The following RPS27L variants were observed in gnomAD, a reference collection of about 807,000 sequenced individuals.
RPS27L encodes ribosomal protein S27 like.
RPS27L carries 10 observed loss-of-function variants against 12.8 expected under a neutral mutation model. The observed-to-expected ratio is 0.78, with a 90% CI of 0.48 to 1.33. RPS27L has a LOEUF of 1.33. Ranked by LOEUF, RPS27L falls within the 40% of genes most tolerant of loss-of-function variation. The pLI is 0.00. For missense variants in RPS27L, 81 were observed against 97.4 expected, an observed-to-expected ratio of 0.83 and a Z score of 0.71; for synonymous variants, 26 against 32.3, an observed-to-expected ratio of 0.81 and a Z score of 0.66.
chr15:63,157,113 C>G, intron 1 of RPS27L: 1 of 517,786 alleles, frequency 1.9e-6, no homozygotes, highest in East Asian at 3.6e-5. Context: ...AAGATCACAA[C>G]CTCAGGGGCA....
In RPS27L at chr15:63,152,955, A is replaced by C. The variant is rs1476295359; in HGVS notation, c.*1077T>G. 1 of 152,222 alleles carries C rather than the reference A, an allele frequency of 6.6e-6. No individual in the cohort carries two copies. Among genetic ancestry groups the C allele is most frequent in the Non-Finnish European group, 1.5e-5 (1 of 68,058 alleles). 9.4% of individuals were successfully genotyped at this position (152,222 alleles called of 1,614,324 possible). Reference sequence around the variant, plus strand: ...TTTAAATACCTGCCACAAGGTAACAAATCAAATAGAAGCAGAGTAGAAACT... The same window carrying C: ...TTTAAATACCTGCCACAAGGTAACACATCAAATAGAAGCAGAGTAGAAACT... On this transcript the variant is annotated 3_prime_UTR_variant, in exon 4 of 4. Coordinates refer to ENST00000330964, the MANE Select transcript of RPS27L (RefSeq NM_015920.4).
intron 2 of RPS27L, 58 bp downstream of exon 2, chr15:63,156,355 C>G (rs8025816): frequency 0.077 from 67,081 of 869,724 alleles, 3,061 homozygotes; most frequent in Middle Eastern, 0.12. Flanking sequence ...ATACACACCA[C>G]ACTAGCAATC....
chr15:63,155,383 G>C (rs950418527), intron 3 of RPS27L: 3 of 399,140 alleles, frequency 7.5e-6, no homozygotes, highest in Admixed American at 8.8e-5. Flanking sequence ...TTTATTCCAA[G>C]TTAAGCAAAC....
intron 3 of RPS27L, chr15:63,155,383 G>A: frequency 2.5e-6 from 1 of 399,258 alleles, no homozygotes; most frequent in Non-Finnish European, 4.4e-6. Context: ...TTTATTCCAA[G>A]TTAAGCAAAC....
At position 63,151,163 on chromosome 15, in the gene RPS27L, G is replaced by C. The variant is rs1425418217; in HGVS notation, c.*2869C>G. ...TCCTATTCAGCACTTTTCAAAACCA[G>C]TAATACCATCTAGATTAATAATAAA... is the stretch of plus-strand genomic sequence containing the variant. On this transcript the variant is annotated 3_prime_UTR_variant, in exon 4 of 4. Coordinates refer to ENST00000330964, the MANE Select transcript of RPS27L (RefSeq NM_015920.4). 1 of 152,140 alleles carries C rather than the reference G, an allele frequency of 6.6e-6. No individual in the cohort carries two copies. The highest frequency in any genetic ancestry group is 1.5e-5 in the Non-Finnish European group (1 of 68,026). 9.4% of individuals were successfully genotyped at this position (152,140 alleles called of 1,614,324 possible). A position where few individuals can be genotyped will look rare whatever the true frequency, so the allele number is the denominator to read the frequency against.
chr15:63,156,652 A>C, intron 1 of RPS27L, 131 bp from the exon 2 acceptor site: 1 of 684,586 alleles, frequency 1.5e-6, no homozygotes. Context: ...CAGATAGTAA[A>C]GTTATTTTTC....
rs1399828271 is a variant in RPS27L at position 63,152,928 on chromosome 15, GT to G, written c.*1103del. The G allele has an allele frequency of 2.0e-5, 3 of 152,216 alleles. No individual in the cohort carries two copies. The highest frequency in any genetic ancestry group is 6.5e-5 in the Admixed American group (1 of 15,274). The allele number at this position is 152,216 out of a possible 1,614,324, so 9.4% of individuals were successfully genotyped here. On this transcript the variant is annotated 3_prime_UTR_variant, in exon 4 of 4. Transcript: ENST00000330964. Reference sequence around the variant, plus strand: ...GCCTACCTGTTGATAGGAAATGCCTGTTTTAAATACCTGCCACAAGGTAACA... The same window carrying G: ...GCCTACCTGTTGATAGGAAATGCCTGTTTAAATACCTGCCACAAGGTAACA...
In RPS27L at chr15:63,154,041, C is replaced by T; in HGVS notation, c.246G>A (p.Lys82=). 1 of 1,608,300 alleles carries T rather than the reference C, an allele frequency of 6.2e-7. No homozygotes were observed. Among genetic ancestry groups the T allele is most frequent in the Non-Finnish European group, 8.5e-7 (1 of 1,175,284 alleles). ...RLTEGCSFRR[K]QH ...GAAGCTGTTTGAATCATTAGTGTTG[C>T]TTTCTTCTAAATGAACACCCTGCAA... The change falls in exon 4 of 4, where the codon AAG becomes AAA. Residue 82 remains lysine, a synonymous_variant. Transcript: ENST00000330964.
In RPS27L at chr15:63,155,673, A is replaced by G. The variant is rs2141086538; in HGVS notation, c.174T>C (p.Gly58=). The G allele has an allele frequency of 6.3e-7, 1 of 1,581,608 alleles. No homozygotes were observed. The highest frequency in any genetic ancestry group is 8.6e-7 in the Non-Finnish European group (1 of 1,163,922). Residue 58 remains glycine (G), a synonymous_variant, in exon 3 of 4, where the codon GGT becomes GGC. Transcript: ENST00000330964. ...TAGGCTGGCACAACACTGTTGAACA[A>G]CCTACACAAAGAACCACTGTCTGAG... The part of the protein sequence containing the change: ...SHAQTVVLCV[G]CSTVLCQPTG...
intron 3 of RPS27L, chr15:63,154,839 A>G (rs915649619): frequency 6.6e-6 from 1 of 152,110 alleles, no homozygotes; most frequent in Non-Finnish European, 1.5e-5. Flanking sequence ...TAATCATTGC[A>G]GTTGCTCATA....
chr15:63,155,361 A>G (rs1157594092), intron 3 of RPS27L: 7 of 395,304 alleles, frequency 1.8e-5, no homozygotes, highest in Non-Finnish European at 3.1e-5. Flanking sequence ...TTTTGCTTCT[A>G]TTCTGACTTA....
At chr15:63,157,374 C>A (rs2037339883) in intron 1 of RPS27L, 26 bp downstream of exon 1, 6 of 1,613,960 alleles carry the variant, frequency 3.7e-6, no homozygotes, top group Non-Finnish European at 5.1e-6. Flanking sequence ...CCAAAACAAA[C>A]CCGGAGCCCG....
At position 63,151,727 on chromosome 15, in the gene RPS27L, C is replaced by A. The variant is rs368760107; in HGVS notation, c.*2305G>T. 2 of 152,174 alleles carry A rather than the reference C, an allele frequency of 1.3e-5. No homozygotes were observed. The highest frequency in any genetic ancestry group is 4.8e-5 in the African/African-American group (2 of 41,438). 9.4% of individuals were successfully genotyped at this position (152,174 alleles called of 1,614,324 possible). On this transcript the variant is annotated 3_prime_UTR_variant, in exon 4 of 4. Coordinates refer to ENST00000330964, the MANE Select transcript of RPS27L (RefSeq NM_015920.4). ...GCCTTGGAGTACCTCAGGAAAAACACTTGACACTGACGCATCTTTTGTATA... is the reference window on the plus strand; with the variant it reads ...GCCTTGGAGTACCTCAGGAAAAACAATTGACACTGACGCATCTTTTGTATA...
At chr15:63,156,383 T>G in intron 2 of RPS27L, 30 bp downstream of exon 2, 1 of 1,256,392 alleles carries the variant, frequency 8.0e-7, no homozygotes, top group Non-Finnish European at 1.1e-6. Context: ...AAATTTTCTT[T>G]AGTAAAGGAA....
Position 63,156,346 on chromosome 15 carries a change from T to C in RPS27L, c.115+67A>G, listed in dbSNP as rs906154090. The C allele has an allele frequency of 5.0e-6, 4 of 799,194 alleles. No individual in the cohort carries two copies. The African/African-American group carries it at 5.2e-5, about 10-fold the overall frequency. 49.5% of individuals were successfully genotyped at this position (799,194 alleles called of 1,614,324 possible). On this transcript the variant is annotated intron_variant, in intron 2 of 3. Transcript: ENST00000330964. Reference sequence around the variant, plus strand: ...AGAGGGTTCTAATGTATCTTAACTATACACACCACACTAGCAATCCCTACA... The same window carrying C: ...AGAGGGTTCTAATGTATCTTAACTACACACACCACACTAGCAATCCCTACA...
rs1165722309 is a variant in RPS27L at position 63,153,286 on chromosome 15, ATATAGTAG to A, written c.*738_*745del. ...CAGCTAGCAGTTACTGTCCTAAATT[ATATAGTAG>A]TATAGCAAGGCCACATAAATCCAAG... On this transcript the variant is annotated 3_prime_UTR_variant, in exon 4 of 4. Coordinates refer to ENST00000330964, the MANE Select transcript of RPS27L (RefSeq NM_015920.4). 6 of 152,234 alleles carry A rather than the reference ATATAGTAG, an allele frequency of 3.9e-5. No homozygotes were observed. The East Asian group carries it at 7.7e-4, about 20-fold the overall frequency. 9.4% of individuals were successfully genotyped at this position (152,234 alleles called of 1,614,324 possible).
chr15:63,156,010 T>C (rs1195860912), intron 2 of RPS27L, among the ~76,000 whole-genome samples: 2 of 152,238 alleles, frequency 1.3e-5, no homozygotes, highest in African/African-American at 2.4e-5. Flanking sequence ...GTGAGTATTT[T>C]ACAATTAAAG....
intron 1 of RPS27L, chr15:63,157,132 G>A (rs2037337543): frequency 1.8e-6 from 1 of 550,834 alleles, no homozygotes; most frequent in Non-Finnish European, 3.2e-6. Flanking sequence ...CATCCTCAAA[G>A]ACCAAGACCG....
chr15:63,154,040 G>T lies in RPS27L; in HGVS notation c.247C>A (p.Gln83Lys). The T allele has an allele frequency of 6.2e-7, 1 of 1,607,824 alleles. No homozygotes were observed. The highest frequency in any genetic ancestry group is 8.5e-7 in the Non-Finnish European group (1 of 1,174,814). ...LTEGCSFRRKQH is the reference protein window; with the variant it reads ...LTEGCSFRRKKH ...GGAAGCTGTTTGAATCATTAGTGTTGCTTTCTTCTAAATGAACACCCTGCA... is the reference window on the plus strand; with the variant it reads ...GGAAGCTGTTTGAATCATTAGTGTTTCTTTCTTCTAAATGAACACCCTGCA... The change falls in exon 4 of 4, where the codon CAA (glutamine) becomes AAA (lysine). Residue 83 changes from glutamine to lysine, a missense_variant. Transcript: ENST00000330964.
Sources: allele counts gnomAD v4.1 joint callset (sites outside exome capture counted in the v4.1 genomes callset), GRCh38; gene constraint gnomAD v4.1.1; transcripts MANE v1.5; gene names NCBI Gene and HGNC (gene_info 2026-07-23, HGNC 2026-07-21).